Variants in MYO16 observed in about 807,000 individuals in gnomAD.
The protein encoded by MYO16 is unconventional myosin-XVI.
MYO16 carries 94 observed loss-of-function variants against 205.3 expected under a neutral mutation model. That is an observed-to-expected ratio of 0.46 (90% CI 0.39 to 0.54). The LOEUF is 0.54. MYO16 is among the 20% of genes least tolerant of loss of function. The pLI is 0.00. For synonymous variants in MYO16, 988 were observed against 954.0 expected (o/e 1.04, Z -0.66); for missense variants, 2,315 against 2,387.5 (o/e 0.97, Z 0.63).
At position 108,809,927 on chromosome 13, in the gene MYO16, C is replaced by T. The variant is rs77275004; in HGVS notation, c.867+3123C>T. On this transcript the variant is annotated intron_variant, in intron 7 of 34. Coordinates refer to ENST00000457511, the MANE Select transcript of MYO16 (RefSeq NM_001198950.3). ...GCCACCAATTATTGAGAACCATAAA[C>T]ATCTATAGAAAGGGGAGACTTTTAC... is the stretch of plus-strand genomic sequence containing the variant. 7.8e-3 allele frequency among the ~76,000 whole-genome samples: 1,184 copies of T among 152,246 alleles called. 5 individuals are homozygous for T. The highest frequency in any genetic ancestry group is 0.012 in the Non-Finnish European group (807 of 68,016).
chr13:109,153,731 C>T (rs1344514946), intron 32 of MYO16, among the ~76,000 whole-genome samples: 2 of 152,144 alleles, frequency 1.3e-5, no homozygotes, highest in Non-Finnish European at 2.9e-5. Flanking sequence ...TGCACTCCAG[C>T]CTGGGCGACA....
chr13:108,732,118 C>T (rs1447698385), intron 4 of MYO16, among the ~76,000 whole-genome samples: 1 of 152,160 alleles, frequency 6.6e-6, no homozygotes, highest in Admixed American at 6.5e-5. Context: ...ATGTATTTTA[C>T]TTGCCAGATG....
In MYO16 at chr13:109,179,583, G is replaced by A. The variant is rs754160887; in HGVS notation, c.5365G>A (p.Gly1789Ser). Reference sequence around the variant, plus strand: ...TGGATACTCACGGTTGTCTATAAGTGGCACAGGGACTTCGACATTTCAAAG... The same window carrying A: ...TGGATACTCACGGTTGTCTATAAGTAGCACAGGGACTTCGACATTTCAAAG... ...EDGYSRLSIS[G>S]TGTSTFQRHR... The change falls in exon 34 of 35, where the codon GGC becomes AGC. Residue 1789 changes from glycine to serine, a missense_variant. Physicochemically the swap from Gly to Ser is moderately conservative, Grantham distance 56. Around this residue, in one of 3 missense-constraint regions of MYO16, gnomAD observed 1,097 missense variants for 1,092.0 expected, o/e 1.00. Transcript: ENST00000457511. 6.2e-7 allele frequency: 1 copy of A among 1,614,022 alleles called. No homozygotes were observed. The highest frequency in any genetic ancestry group is 1.7e-5 in the Admixed American group (1 of 60,028).
chr13:109,055,185 T>C lies in MYO16; in HGVS notation c.3129+59T>C. 1 of 1,387,554 alleles carries C rather than the reference T, an allele frequency of 7.2e-7. No individual in the cohort carries two copies. The highest frequency in any genetic ancestry group is 1.3e-5 in the South Asian group (1 of 77,570). 86.0% of individuals were successfully genotyped at this position (1,387,554 alleles called of 1,614,324 possible). On this transcript the variant is annotated intron_variant, in intron 26 of 34. Coordinates refer to ENST00000457511, the MANE Select transcript of MYO16 (RefSeq NM_001198950.3). The surrounding 1 kb of genome is among the most constrained non-coding windows in gnomAD (Gnocchi z 5.0). ...GTATGTTTATAGCAACTAAAGAGGG[T>C]TTATGTAGACTTTTTTTTCCATTTT...
rs374363969 is a variant in MYO16 at position 108,964,788 on chromosome 13, T to A, written c.2255T>A (p.Ile752Lys). 11 of 1,614,066 alleles carry A rather than the reference T, an allele frequency of 6.8e-6. No individual in the cohort carries two copies. The highest frequency in any genetic ancestry group is 7.6e-6 in the Non-Finnish European group (9 of 1,180,018). Residue 752 changes from isoleucine (I) to lysine (K), a missense_variant, in exon 20 of 35, where the codon ATA becomes AAA. Ile to Lys is a moderately radical substitution (Grantham distance 102). This residue lies in a region of MYO16 where 1,213 missense variants were observed against 1,274.4 expected (regional missense o/e 0.95). Transcript: ENST00000457511. ...KGDMIIRRHTIQIAEFFRDLL... is the reference protein window; with the variant it reads ...KGDMIIRRHTKQIAEFFRDLL... ...GATATGATAATACGACGACATACCA[T>A]ACAGATTGCTGAGTTTTTCCGAGAC...
intron 2 of MYO16, among the ~76,000 whole-genome samples, chr13:108,669,911 T>C (rs7336780): frequency 0.32 from 49,054 of 151,736 alleles, 8,254 homozygotes; most frequent in African/African-American, 0.41. Context: ...CATCACACAC[T>C]GGGGCCTGTC....
Position 108,728,985 on chromosome 13 carries a change from C to CTT in MYO16, c.507+1414_507+1415dup, listed in dbSNP as rs138750767. On this transcript the variant is annotated intron_variant, in intron 4 of 34. Coordinates refer to ENST00000457511, the MANE Select transcript of MYO16 (RefSeq NM_001198950.3). ...TGTCCTTCAAGAATATGTACACTTTCTTTTTTTTTTTTTACAGTAGAAATA... is the reference window on the plus strand; with the variant it reads ...TGTCCTTCAAGAATATGTACACTTTCTTTTTTTTTTTTTTTACAGTAGAAATA... 1.3e-3 allele frequency among the ~76,000 whole-genome samples: 191 copies of CTT among 144,592 alleles called. 2 individuals are homozygous for CTT. Among genetic ancestry groups the CTT allele is most frequent in the South Asian group, 2.4e-3 (11 of 4,608 alleles). The allele number at this position is 144,592 out of a possible 152,430, so 94.9% of individuals were successfully genotyped here.
Position 108,649,890 on chromosome 13 carries a change from A to G in MYO16, c.29-15996A>G, listed in dbSNP as rs1036869824. ...TTTCTTTCATCTGAATGTGTCTTAG[A>G]AATTAATAAAAAGCGGAATGAAAAT... is the stretch of plus-strand genomic sequence containing the variant. On this transcript the variant is annotated intron_variant, in intron 1 of 34. Transcript: ENST00000457511. Among the ~76,000 whole-genome samples the G allele has an allele frequency of 3.9e-5, 6 of 152,220 alleles. No individual in the cohort carries two copies. The South Asian group carries it at 1.2e-3, about 31-fold the overall frequency.
intron 1 of MYO16, among the ~76,000 whole-genome samples, chr13:108,600,719 C>A (rs982534495): frequency 2.6e-5 from 4 of 152,206 alleles, no homozygotes; most frequent in South Asian, 2.1e-4. Flanking sequence ...ACTTAGCAAC[C>A]ATGGTATGAA....
the MYO16 span, among the ~76,000 whole-genome samples, chr13:108,529,289 C>T: frequency 6.6e-6 from 1 of 152,144 alleles, no homozygotes; most frequent in African/African-American, 2.4e-5. Context: ...GTTACGTGCA[C>T]CCTTTTCTCA....
intron 17 of MYO16, 147 bp from the exon 18 acceptor site, chr13:108,961,392 C>T (rs1475350863): frequency 5.0e-6 from 3 of 598,532 alleles, no homozygotes; most frequent in Non-Finnish European, 9.0e-6. Context: ...AGTTTTCTTG[C>T]CATATCGAAC....
chr13:109,042,774 A>G (rs998928602), intron 23 of MYO16, among the ~76,000 whole-genome samples: 1 of 152,216 alleles, frequency 6.6e-6, no homozygotes, highest in Non-Finnish European at 1.5e-5. Context: ...CAAAGAATGT[A>G]AAGAGCTTGT....
chr13:109,120,471 C>T lies in MYO16; in HGVS notation c.3535+5C>T, dbSNP rs759718253. The T allele has an allele frequency of 1.3e-6, 2 of 1,587,678 alleles. No homozygotes were observed. The highest frequency in any genetic ancestry group is 2.7e-5 in the African/African-American group (2 of 73,998). The stretch of plus-strand genomic sequence containing the variant: ...AAATTATAACCTGCCAAAAAGGTAA[C>T]ATTTATATGCCAACATTTCTGAATT... On this transcript the variant is annotated splice_donor_5th_base_variant and intron_variant, in intron 29 of 34. Transcript: ENST00000457511.
At chr13:108,736,338 A>T (rs959461023) in intron 4 of MYO16, among the ~76,000 whole-genome samples, 4 of 152,036 alleles carry the variant, frequency 2.6e-5, no homozygotes, top group African/African-American at 9.7e-5. Context: ...GTAAGAAGGG[A>T]TCCAGTTTCA....
chr13:108,611,925 T>C (rs1879183904), intron 1 of MYO16, among the ~76,000 whole-genome samples: 1 of 151,948 alleles, frequency 6.6e-6, no homozygotes, highest in Non-Finnish European at 1.5e-5. Flanking sequence ...CAGTTGTGTA[T>C]TGAGATGAGC....
chr13:109,110,428 T>C (rs1358433760), intron 28 of MYO16, among the ~76,000 whole-genome samples: 1 of 152,242 alleles, frequency 6.6e-6, no homozygotes, highest in Non-Finnish European at 1.5e-5. Flanking sequence ...CATACTGTTC[T>C]AGGTAAGAAT....
At chr13:109,148,854 G>C (rs79514377) in intron 32 of MYO16, among the ~76,000 whole-genome samples, 1 of 152,160 alleles carries the variant, frequency 6.6e-6, no homozygotes, top group Non-Finnish European at 1.5e-5. Context: ...TGTTAGAGGC[G>C]GATGATGGGT....
In MYO16 at chr13:108,869,927, T is replaced by C. The variant is rs1372571985; in HGVS notation, c.1425+3685T>C. 2.0e-5 allele frequency among the ~76,000 whole-genome samples: 3 copies of C among 151,464 alleles called. No individual in the cohort carries two copies. In the East Asian group the frequency reaches 5.8e-4, roughly 29 times the overall value. On this transcript the variant is annotated intron_variant, in intron 12 of 34. Coordinates refer to ENST00000457511, the MANE Select transcript of MYO16 (RefSeq NM_001198950.3). ...AAATCCTATTATTAATCTGTTCTTA[T>C]GTTATTGGATTGGATCACCAGAATA...
chr13:108,902,133 G>A (rs575980902), intron 15 of MYO16, among the ~76,000 whole-genome samples: 17 of 152,262 alleles, frequency 1.1e-4, no homozygotes, highest in Non-Finnish European at 1.6e-4. Flanking sequence ...TATATTATGC[G>A]TACTATAAAG....
Sources: allele counts gnomAD v4.1 joint callset (sites outside exome capture counted in the v4.1 genomes callset), GRCh38; gene constraint gnomAD v4.1.1; regional missense constraint gnomAD v4.1.1; non-coding constraint Gnocchi (gnomAD v3.1); transcripts MANE v1.5; gene names NCBI Gene and HGNC (gene_info 2026-07-23, HGNC 2026-07-21).